RABGAP1: variants seen among roughly 807,000 people sequenced by gnomAD.
The protein encoded by RABGAP1 is RAB GTPase activating protein 1.
A neutral mutation model predicts 137.6 loss-of-function variants in RABGAP1; 23 were observed. That is an observed-to-expected ratio of 0.17 (90% CI 0.12 to 0.24). The LOEUF (loss-of-function observed/expected upper bound fraction) is 0.24. Among genes scored for constraint, RABGAP1 ranks in the 10% least tolerant of loss-of-function variants. The probability of loss-of-function intolerance (pLI) is 1.00; values close to 1 mark genes in which losing one functional copy is unlikely to be tolerated. For missense variants in RABGAP1, 906 were observed against 1,275.8 expected (o/e 0.71, Z 4.42); for synonymous variants, 451 against 450.7 (o/e 1.00, Z -0.01).
intron 21 of RABGAP1, among the ~76,000 whole-genome samples, chr9:123,095,711 A>G (rs1362927836): frequency 2.0e-5 from 3 of 152,014 alleles, no homozygotes; most frequent in Non-Finnish European, 4.4e-5. Context: ...CTTTGAAGAA[A>G]AAAAAAAAAA....
intron 4 of RABGAP1, among the ~76,000 whole-genome samples, chr9:122,988,896 T>C (rs1836509831): frequency 6.6e-6 from 1 of 150,994 alleles, no homozygotes. Context: ...TGAGCTGAGA[T>C]TGCGCCATTG....
chr9:123,093,457 G>A (rs531882382), intron 21 of RABGAP1, among the ~76,000 whole-genome samples: 32 of 152,350 alleles, frequency 2.1e-4, no homozygotes, highest in African/African-American at 7.2e-4. Flanking sequence ...ACTCCTCTGT[G>A]TTGAGACAGA....
intron 11 of RABGAP1, among the ~76,000 whole-genome samples, chr9:123,010,964 GT>G (rs2030753125): frequency 6.7e-6 from 1 of 149,280 alleles, no homozygotes; most frequent in African/African-American, 2.5e-5. Context: ...ATATTACTAT[GT>G]TTTACACTGA....
chr9:123,053,446 C>T (rs2033571077), intron 13 of RABGAP1, among the ~76,000 whole-genome samples: 2 of 152,294 alleles, frequency 1.3e-5, no homozygotes, highest in Non-Finnish European at 2.9e-5. Context: ...TTAAGCATAG[C>T]ACACTTTCAA....
chr9:123,031,066 G>A (rs1468708046), intron 13 of RABGAP1, among the ~76,000 whole-genome samples: 1 of 152,010 alleles, frequency 6.6e-6, no homozygotes, highest in African/African-American at 2.4e-5. Context: ...TAATGTAACA[G>A]CTTGTAGTTT....
chr9:123,073,548 A>G lies in RABGAP1; in HGVS notation c.1984-4A>G. On this transcript the variant is annotated splice_region_variant and splice_polypyrimidine_tract_variant and intron_variant, in intron 15 of 25. Coordinates refer to ENST00000373647, the MANE Select transcript of RABGAP1 (RefSeq NM_012197.4). ...CTACCCAACAACTTGCCTATCTGTTACAGATGCCTGAAGAACAGGCATTCA... is the reference window on the plus strand; with the variant it reads ...CTACCCAACAACTTGCCTATCTGTTGCAGATGCCTGAAGAACAGGCATTCA... 6.2e-7 allele frequency: 1 copy of G among 1,611,956 alleles called. No homozygotes were observed. The highest frequency in any genetic ancestry group is 2.2e-5 in the East Asian group (1 of 44,800).
At chr9:122,966,288 G>A (rs1835138949) in intron 2 of RABGAP1, among the ~76,000 whole-genome samples, 1 of 152,160 alleles carries the variant, frequency 6.6e-6, no homozygotes, top group African/African-American at 2.4e-5. Context: ...ACTATGGGAG[G>A]CTGAGACAGG....
At chr9:123,069,763 G>T (rs1403443902) in intron 14 of RABGAP1, among the ~76,000 whole-genome samples, 3 of 151,980 alleles carry the variant, frequency 2.0e-5, no homozygotes, top group Non-Finnish European at 2.9e-5. Flanking sequence ...GCAAGCCTGT[G>T]GTCCAGGCTA....
At chr9:123,098,671 A>AT in intron 22 of RABGAP1, 44 bp from the exon 23 acceptor site, 1 of 1,567,208 alleles carries the variant, frequency 6.4e-7, no homozygotes. Context: ...AACTTCCTTT[A>AT]TTTTTCTGTT....
intron 1 of RABGAP1, among the ~76,000 whole-genome samples, chr9:122,956,358 A>G (rs1189601740): frequency 1.3e-5 from 2 of 151,610 alleles, no homozygotes; most frequent in Non-Finnish European, 3.0e-5. Flanking sequence ...TGCCCTCACA[A>G]TAACTAAGTG....
intron 1 of RABGAP1, among the ~76,000 whole-genome samples, chr9:122,948,350 T>A (rs1834050025): frequency 6.6e-6 from 1 of 151,910 alleles, no homozygotes; most frequent in Non-Finnish European, 1.5e-5. Flanking sequence ...AGAGATGCAA[T>A]CCAGAAAAGA....
chr9:122,950,361 CTTTTTCTTTTTCTTTCTTT>C (rs1337814185), intron 1 of RABGAP1, among the ~76,000 whole-genome samples: 2 of 72,058 alleles, frequency 2.8e-5, no homozygotes, highest in East Asian at 9.8e-4. Flanking sequence ...TCTTTTTTTT[CTTTTTCTTTTTCTTTCTTT>C]TTTTTTTTTT....
At chr9:122,984,431 C>G in intron 2 of RABGAP1, 54 bp from the exon 3 acceptor site, 1 of 1,441,042 alleles carries the variant, frequency 6.9e-7, no homozygotes, top group Non-Finnish European at 9.6e-7. Flanking sequence ...CCATTTTAAT[C>G]AATACTGGCC....
At chr9:122,944,833 T>C (rs1038797683) in intron 1 of RABGAP1, among the ~76,000 whole-genome samples, 7 of 151,968 alleles carry the variant, frequency 4.6e-5, no homozygotes, top group Admixed American at 2.6e-4. Context: ...TGCCTCGGCC[T>C]CCCAAAATGA....
chr9:123,087,244 A>G (rs371816422), intron 19 of RABGAP1, among the ~76,000 whole-genome samples: 13 of 152,252 alleles, frequency 8.5e-5, no homozygotes, highest in African/African-American at 3.1e-4. Flanking sequence ...ACATATATCT[A>G]TGGGGAAAAA....
chr9:123,096,949 G>A (rs929356642), intron 21 of RABGAP1, among the ~76,000 whole-genome samples: 1 of 152,180 alleles, frequency 6.6e-6, no homozygotes, highest in Non-Finnish European at 1.5e-5. Flanking sequence ...GAGTATAGTG[G>A]AAAACTCAGT....
At chr9:123,034,530 C>A (rs372653689) in intron 13 of RABGAP1, 4 of 1,327,988 alleles carry the variant, frequency 3.0e-6, no homozygotes, top group Admixed American at 1.9e-5. Flanking sequence ...AGCAGCCAAG[C>A]GGCAGCATGA....
chr9:122,965,410 G>A lies in RABGAP1; in HGVS notation c.150+8201G>A, dbSNP rs183967677. Among the ~76,000 whole-genome samples, 23 of 152,184 alleles carry A rather than the reference G, an allele frequency of 1.5e-4. No homozygotes were observed. In the East Asian group the frequency reaches 2.7e-3, roughly 18 times the overall value. On this transcript the variant is annotated intron_variant, in intron 2 of 25. Coordinates refer to ENST00000373647, the MANE Select transcript of RABGAP1 (RefSeq NM_012197.4). Reference sequence around the variant, plus strand: ...TACTAAAAAAAATTTTTTTTGAGACGGAGTCTCTTGTCGCCCAGGCTGGAG... The same window carrying A: ...TACTAAAAAAAATTTTTTTTGAGACAGAGTCTCTTGTCGCCCAGGCTGGAG...
intron 10 of RABGAP1, among the ~76,000 whole-genome samples, chr9:123,000,585 A>G (rs1019223271): frequency 2.6e-5 from 4 of 152,204 alleles, no homozygotes; most frequent in African/African-American, 4.8e-5. Context: ...AACATGTCCA[A>G]AAAGGTTTAT....
Sources: gnomAD v4.1 joint callset for allele counts (sites outside exome capture counted in the v4.1 genomes callset) on GRCh38, gnomAD v4.1.1 for gene constraint, MANE v1.5 for transcripts, NCBI Gene and HGNC (gene_info 2026-07-23, HGNC 2026-07-21) for gene names.